The following VPS50 variants were observed in gnomAD, a reference collection of about 807,000 sequenced individuals.
VPS50 encodes VPS50 subunit of EARP/GARPII complex.
Under a neutral mutation model 139.7 loss-of-function variants are expected in VPS50, and 70 were observed. That is an observed-to-expected ratio of 0.50 (90% confidence interval 0.41 to 0.61). The LOEUF is 0.61. Ranked by LOEUF, VPS50 falls within the 20% of genes least tolerant of loss-of-function variation. The pLI, the probability that VPS50 is intolerant of heterozygous loss-of-function variation, is 0.00. For synonymous variants in VPS50, 365 were observed against 376.7 expected, an observed-to-expected ratio of 0.97 and a Z score of 0.36; for missense variants, 921 against 1,133.7, an observed-to-expected ratio of 0.81 and a Z score of 2.69.
intron 9 of VPS50, among the ~76,000 whole-genome samples, chr7:93,267,767 G>C (rs1795884201): frequency 6.6e-6 from 1 of 152,202 alleles, no homozygotes; most frequent in Admixed American, 6.6e-5. Flanking sequence ...TCAAGTTATT[G>C]TGAGCACTAT....
At chr7:93,271,387 G>A in intron 10 of VPS50, 125 bp downstream of exon 10, 3 of 1,305,874 alleles carry the variant, frequency 2.3e-6, no homozygotes, top group Non-Finnish European at 3.0e-6. Flanking sequence ...TGTATTTCTT[G>A]ATTTTCATTT....
intron 27 of VPS50, 26 bp from the exon 28 acceptor site, chr7:93,358,291 A>C (rs745843146): frequency 2.5e-6 from 4 of 1,610,866 alleles, no homozygotes; most frequent in Admixed American, 1.7e-5. Flanking sequence ...TAGGGTACTA[A>C]ATTTGGATCT....
At chr7:93,251,870 A>G (rs1344247777) in intron 2 of VPS50, among the ~76,000 whole-genome samples, 1 of 152,194 alleles carries the variant, frequency 6.6e-6, no homozygotes, top group Non-Finnish European at 1.5e-5. Flanking sequence ...GTCTTGATTA[A>G]CTAGTGTGGC....
intron 23 of VPS50, among the ~76,000 whole-genome samples, chr7:93,342,834 A>G (rs1316642296): frequency 6.6e-6 from 1 of 152,222 alleles, no homozygotes; most frequent in Non-Finnish European, 1.5e-5. Context: ...CCATCTGTAC[A>G]TCACCATCAT....
intron 2 of VPS50, chr7:93,246,274 C>A: frequency 1.6e-6 from 1 of 644,228 alleles, no homozygotes; most frequent in African/African-American, 1.8e-5. Context: ...TCTCCACTTT[C>A]CTTCTCAACA....
chr7:93,322,864 G>A (rs996691502), intron 20 of VPS50, among the ~76,000 whole-genome samples: 1 of 152,066 alleles, frequency 6.6e-6, no homozygotes, highest in Non-Finnish European at 1.5e-5. Context: ...CAATACATTA[G>A]CAAGTTTGTA....
rs7798955 is a variant in VPS50, at chr7:93,354,875, T to G, written c.2586-1016T>G. 4.2e-3 allele frequency among the ~76,000 whole-genome samples: 642 copies of G among 152,270 alleles called. 3 individuals carry two copies. The highest frequency in any genetic ancestry group is 0.015 in the African/African-American group (621 of 41,548). ...TCTAGAATTGCACATCAGTTGAATA[T>G]TCACACTATCATTTGTCTGATTTTT... On this transcript the variant is annotated intron_variant, in intron 26 of 27. Transcript: ENST00000305866.
chr7:93,280,862 T>TA (rs1468783466), intron 12 of VPS50, among the ~76,000 whole-genome samples: 1 of 152,116 alleles, frequency 6.6e-6, no homozygotes, highest in East Asian at 1.9e-4. Context: ...CATAATGTAG[T>TA]AAAAATATAT....
At chr7:93,243,021 A>G (rs1270753754) in intron 2 of VPS50, among the ~76,000 whole-genome samples, 2 of 151,926 alleles carry the variant, frequency 1.3e-5, no homozygotes. Context: ...TTAGAACTAT[A>G]TAAATTCAAA....
In VPS50 at chr7:93,355,873, T is replaced by A; in HGVS notation, c.2586-18T>A. The A allele has an allele frequency of 2.0e-6, 3 of 1,481,756 alleles. No homozygotes were observed. The highest frequency in any genetic ancestry group is 2.3e-5 in the East Asian group (1 of 43,410). 91.8% of individuals were successfully genotyped at this position (1,481,756 alleles called of 1,614,324 possible). A position where few individuals can be genotyped will look rare whatever the true frequency, so the allele number is the denominator to read the frequency against. On this transcript the variant is annotated intron_variant, in intron 26 of 27. Coordinates refer to ENST00000305866, the MANE Select transcript of VPS50 (RefSeq NM_017667.4). ...AATTATCCTATAATGTATTTTTTTT[T>A]ATTGTTTTGCATCTTAGATATGCCA...
At chr7:93,250,330 G>A (rs1282035775) in intron 2 of VPS50, among the ~76,000 whole-genome samples, 1 of 151,950 alleles carries the variant, frequency 6.6e-6, no homozygotes. Context: ...AGATATCTGA[G>A]CAAGGCTCTT....
chr7:93,286,667 A>AT (rs538410581), intron 12 of VPS50, among the ~76,000 whole-genome samples: 67 of 152,054 alleles, frequency 4.4e-4, no homozygotes, highest in African/African-American at 1.6e-3. Context: ...CCTGCCTTTT[A>AT]TTTTTTGATT....
intron 20 of VPS50, among the ~76,000 whole-genome samples, chr7:93,318,618 T>C (rs1249196440): frequency 6.6e-6 from 1 of 152,208 alleles, no homozygotes; most frequent in African/African-American, 2.4e-5. Flanking sequence ...CTTAAATCAT[T>C]TTTGTAGCAT....
At chr7:93,342,928 C>G (rs914368828) in intron 23 of VPS50, among the ~76,000 whole-genome samples, 6 of 152,218 alleles carry the variant, frequency 3.9e-5, no homozygotes, top group Admixed American at 3.9e-4. Context: ...CACAGCACCT[C>G]TCCTCCTCCA....
chr7:93,305,835 A>C lies in VPS50; in HGVS notation c.1460A>C (p.Lys487Thr), dbSNP rs769043254. 1 of 1,611,846 alleles carries C rather than the reference A, an allele frequency of 6.2e-7. No homozygotes were observed. The highest frequency in any genetic ancestry group is 1.3e-5 in the African/African-American group (1 of 74,824). Reference protein sequence around the residue: ...NFSILQLHEFKFMEQSRSPSV... With the variant: ...NFSILQLHEFTFMEQSRSPSV... ...TCCTTTTTTAACATCTAGGAATTTA[A>C]ATTCATGGAACAGTCTCGCTCCCCA... Residue 487 changes from lysine (K) to threonine (T), a missense_variant, in exon 18 of 28, where the codon AAA becomes ACA. By Grantham distance (78) the Lys-to-Thr change is moderately conservative. This residue lies in a region of VPS50 where 744 missense variants were observed against 930.6 expected (regional missense o/e 0.80). Transcript: ENST00000305866.
intron 27 of VPS50, among the ~76,000 whole-genome samples, chr7:93,358,055 G>A (rs542922379): frequency 5.3e-5 from 8 of 152,176 alleles, no homozygotes; most frequent in African/African-American, 1.7e-4. Context: ...AGAAGCATAC[G>A]CATGTCAGAT....
At chr7:93,342,895 G>T (rs1798265937) in intron 23 of VPS50, among the ~76,000 whole-genome samples, 1 of 152,198 alleles carries the variant, frequency 6.6e-6, no homozygotes, top group Non-Finnish European at 1.5e-5. Context: ...AAACAGAGCA[G>T]AAAACCTGGA....
At chr7:93,248,995 A>T (rs1562849319) in intron 2 of VPS50, among the ~76,000 whole-genome samples, 1 of 152,078 alleles carries the variant, frequency 6.6e-6, no homozygotes, top group African/African-American at 2.4e-5. Flanking sequence ...TCTATTTTGT[A>T]TGCTACATTT....
intron 19 of VPS50, among the ~76,000 whole-genome samples, chr7:93,309,482 A>T (rs1280871468): frequency 6.6e-6 from 1 of 151,952 alleles, no homozygotes; most frequent in African/African-American, 2.4e-5. Flanking sequence ...AAGCCTTTAG[A>T]TTTATAAAAT....
Sources: gnomAD v4.1 joint callset for allele counts (sites outside exome capture counted in the v4.1 genomes callset) on GRCh38, gnomAD v4.1.1 for gene constraint, gnomAD v4.1.1 regional missense constraint, MANE v1.5 for transcripts, NCBI Gene and HGNC (gene_info 2026-07-23, HGNC 2026-07-21) for gene names.